HS3ST5: variants seen among roughly 807,000 people sequenced by gnomAD.
The protein encoded by HS3ST5 is heparan sulfate glucosamine 3-O-sulfotransferase 5.
A neutral mutation model predicts 25.4 loss-of-function variants in HS3ST5; 10 were observed. The observed-to-expected ratio is 0.39, with a 90% CI of 0.24 to 0.67. HS3ST5 has a LOEUF of 0.67. Among genes scored for constraint, HS3ST5 ranks in the 30% least tolerant of loss-of-function variants. The pLI is 0.44. For missense variants in HS3ST5, 324 were observed against 420.7 expected (o/e 0.77, Z 2.01); for synonymous variants, 170 against 162.4 (o/e 1.05, Z -0.36).
chr6:114,266,845 T>A (rs894897187), intron 1 of HS3ST5, among the ~76,000 whole-genome samples: 8 of 152,230 alleles, frequency 5.3e-5, no homozygotes, highest in Non-Finnish European at 1.0e-4. Context: ...TACTCAGTAC[T>A]CAAATATTAG....
At chr6:114,121,305 A>G (rs1012730114) in intron 3 of HS3ST5, among the ~76,000 whole-genome samples, 4 of 152,172 alleles carry the variant, frequency 2.6e-5, no homozygotes, top group African/African-American at 9.7e-5. Flanking sequence ...TCCACCTAAC[A>G]CAAGCAACCA....
At chr6:114,284,254 A>T (rs6939418) in intron 1 of HS3ST5, among the ~76,000 whole-genome samples, 3,822 of 152,082 alleles carry the variant, frequency 0.025, 161 homozygotes, top group African/African-American at 0.081. Context: ...TCCATTCTTC[A>T]TTCACAAACC....
chr6:114,248,491 A>G (rs942384056), intron 1 of HS3ST5, among the ~76,000 whole-genome samples: 3 of 151,964 alleles, frequency 2.0e-5, no homozygotes, highest in African/African-American at 7.2e-5. Context: ...AAAAAAATAA[A>G]AAATAAAATT....
intron 2 of HS3ST5, among the ~76,000 whole-genome samples, chr6:114,183,974 G>C (rs539884632): frequency 2.6e-5 from 4 of 151,520 alleles, no homozygotes; most frequent in African/African-American, 4.8e-5. Flanking sequence ...CTAGTGCCTT[G>C]TGGAAGGTAG....
At chr6:114,313,234 C>A (rs892487151) in intron 1 of HS3ST5, among the ~76,000 whole-genome samples, 1 of 151,962 alleles carries the variant, frequency 6.6e-6, no homozygotes, top group Non-Finnish European at 1.5e-5. Context: ...GTGGATGGAA[C>A]GACTGGAACT....
At chr6:114,254,170 C>G (rs1772792025) in intron 1 of HS3ST5, among the ~76,000 whole-genome samples, 1 of 152,156 alleles carries the variant, frequency 6.6e-6, no homozygotes. Context: ...AGTGGTGGAG[C>G]CTCCTGGCAG....
At chr6:114,267,252 A>G (rs922709817) in intron 1 of HS3ST5, among the ~76,000 whole-genome samples, 7 of 152,232 alleles carry the variant, frequency 4.6e-5, no homozygotes, top group Admixed American at 3.9e-4. Context: ...ACTTGCTTCA[A>G]TAAGAAAAGG....
At chr6:114,071,638 C>T (rs1442287438) in intron 3 of HS3ST5, among the ~76,000 whole-genome samples, 1 of 152,124 alleles carries the variant, frequency 6.6e-6, no homozygotes, top group Non-Finnish European at 1.5e-5. Context: ...ATGAAATGAA[C>T]TTTGACTATC....
intron 3 of HS3ST5, among the ~76,000 whole-genome samples, chr6:114,117,823 C>T (rs1300942344): frequency 6.6e-6 from 1 of 152,102 alleles, no homozygotes; most frequent in Non-Finnish European, 1.5e-5. Flanking sequence ...GTATAACTAC[C>T]CCTTCCCTCA....
intron 1 of HS3ST5, among the ~76,000 whole-genome samples, chr6:114,279,086 CAAAG>C (rs1773990034): frequency 6.6e-6 from 1 of 151,906 alleles, no homozygotes; most frequent in Admixed American, 6.6e-5. Flanking sequence ...GGCAATTAGA[CAAAG>C]AAATCTGGAG....
chr6:114,171,910 T>C (rs1207416977), intron 2 of HS3ST5, among the ~76,000 whole-genome samples: 2 of 152,210 alleles, frequency 1.3e-5, no homozygotes, highest in African/African-American at 4.8e-5. Flanking sequence ...AATTAAAACC[T>C]GTTGCCCCCA....
chr6:114,202,650 T>C (rs893263009), intron 2 of HS3ST5, among the ~76,000 whole-genome samples: 1 of 152,142 alleles, frequency 6.6e-6, no homozygotes, highest in African/African-American at 2.4e-5. Flanking sequence ...TAGGAAATCA[T>C]GAGCCTAGAG....
At chr6:114,206,275 C>A (rs1781274211) in intron 2 of HS3ST5, among the ~76,000 whole-genome samples, 1 of 152,104 alleles carries the variant, frequency 6.6e-6, no homozygotes, top group African/African-American at 2.4e-5. Context: ...TCCTTGAGGG[C>A]AGTTTTTGTA....
At chr6:114,313,330 G>A (rs1775616455) in intron 1 of HS3ST5, among the ~76,000 whole-genome samples, 2 of 152,104 alleles carry the variant, frequency 1.3e-5, no homozygotes, top group African/African-American at 4.8e-5. Context: ...AGTAATTCCA[G>A]TCCTAGGCAC....
chr6:114,204,008 G>C lies in HS3ST5; in HGVS notation c.-145+24577C>G, dbSNP rs1238475235. On this transcript the variant is annotated intron_variant, in intron 2 of 4. Transcript: ENST00000312719. ...GAGTGATTCCCTACCCTCCAACAGGGTTCGGAAGCGTGTATACCATCCTGG... is the reference window on the plus strand; with the variant it reads ...GAGTGATTCCCTACCCTCCAACAGGCTTCGGAAGCGTGTATACCATCCTGG... Among the ~76,000 whole-genome samples the C allele has an allele frequency of 6.6e-5, 10 of 152,144 alleles. No homozygotes were observed. In the East Asian group the frequency reaches 1.9e-3, roughly 29 times the overall value.
intron 3 of HS3ST5, among the ~76,000 whole-genome samples, chr6:114,068,109 C>T (rs940715126): frequency 7.2e-5 from 11 of 151,822 alleles, no homozygotes; most frequent in East Asian, 1.9e-4. Flanking sequence ...AAACAGTATA[C>T]GGAATTATGA....
intron 3 of HS3ST5, among the ~76,000 whole-genome samples, chr6:114,096,478 C>T (rs1775432832): frequency 6.6e-6 from 1 of 151,980 alleles, no homozygotes; most frequent in Non-Finnish European, 1.5e-5. Flanking sequence ...CAAATGATTT[C>T]TGAGATGACT....
intron 2 of HS3ST5, among the ~76,000 whole-genome samples, chr6:114,173,278 G>A (rs536380615): frequency 1.3e-5 from 2 of 152,012 alleles, no homozygotes; most frequent in African/African-American, 4.8e-5. Flanking sequence ...TTATATTCTC[G>A]ATTTTGCACT....
intron 3 of HS3ST5, among the ~76,000 whole-genome samples, chr6:114,120,496 G>A (rs1049853153): frequency 3.9e-5 from 6 of 152,078 alleles, no homozygotes; most frequent in Non-Finnish European, 8.8e-5. Context: ...TTTTAAAAAT[G>A]TTTGTGTGTG....
Sources: gnomAD v4.1 joint callset for allele counts (sites outside exome capture counted in the v4.1 genomes callset) on GRCh38, gnomAD v4.1.1 for gene constraint, MANE v1.5 for transcripts, NCBI Gene and HGNC (gene_info 2026-07-23, HGNC 2026-07-21) for gene names.